MEIKIN: variants seen among roughly 807,000 people sequenced by gnomAD.
The protein encoded by MEIKIN is meiosis-specific kinetochore protein.
chr5:131,809,260 C>G (rs1297340409), intron 12 of MEIKIN, among the ~76,000 whole-genome samples: 1 of 152,122 alleles, frequency 6.6e-6, no homozygotes, highest in African/African-American at 2.4e-5. Flanking sequence ...AGAACTTCAT[C>G]TTTTCATTCT....
chr5:131,896,796 C>T (rs1751060438), intron 8 of MEIKIN, among the ~76,000 whole-genome samples: 1 of 152,142 alleles, frequency 6.6e-6, no homozygotes, highest in South Asian at 2.1e-4. Flanking sequence ...AGATGGGTTT[C>T]CTGAATACAG....
intron 9 of MEIKIN, among the ~76,000 whole-genome samples, chr5:131,857,147 C>T (rs1485578254): frequency 1.3e-5 from 2 of 152,018 alleles, no homozygotes; most frequent in East Asian, 1.9e-4. Flanking sequence ...AAATTTGTAA[C>T]TCTATGTTCA....
intron 9 of MEIKIN, among the ~76,000 whole-genome samples, chr5:131,878,295 C>T (rs772790027): frequency 3.3e-5 from 5 of 152,166 alleles, no homozygotes; most frequent in East Asian, 1.9e-4. Context: ...TGGCTGGGCG[C>T]GGTGGCTCAC....
chr5:131,889,461 C>G (rs1242768160), intron 8 of MEIKIN, among the ~76,000 whole-genome samples: 4 of 152,140 alleles, frequency 2.6e-5, no homozygotes, highest in Non-Finnish European at 4.4e-5. Flanking sequence ...GTATTTTATT[C>G]TCTTTGAAGC....
At chr5:131,918,083 T>C (rs963960644) in intron 6 of MEIKIN, among the ~76,000 whole-genome samples, 1 of 152,118 alleles carries the variant, frequency 6.6e-6, no homozygotes. Context: ...TTCAAATTGT[T>C]GGGAAAGAGA....
At chr5:131,924,163 TTTC>T in intron 5 of MEIKIN, among the ~76,000 whole-genome samples, 1 of 152,302 alleles carries the variant, frequency 6.6e-6, no homozygotes. Context: ...GCAGGATTTC[TTTC>T]TTAAGACTGA....
At chr5:131,809,536 C>T (rs566516804) in intron 12 of MEIKIN, among the ~76,000 whole-genome samples, 19 of 152,196 alleles carry the variant, frequency 1.2e-4, no homozygotes, top group African/African-American at 3.4e-4. Flanking sequence ...AGGCTGGGTG[C>T]GGTGGCTCAC....
At chr5:131,867,854 T>G (rs1750414148) in intron 9 of MEIKIN, among the ~76,000 whole-genome samples, 1 of 152,224 alleles carries the variant, frequency 6.6e-6, no homozygotes, top group South Asian at 2.1e-4. Flanking sequence ...ATACTTTGTG[T>G]GGATACAATT....
intron 11 of MEIKIN, among the ~76,000 whole-genome samples, chr5:131,819,357 C>G: frequency 6.7e-6 from 1 of 149,350 alleles, no homozygotes; most frequent in Non-Finnish European, 1.5e-5. Context: ...ATTCCAATAC[C>G]CTGGGAGGCC....
chr5:131,807,188 T>G lies in MEIKIN; in HGVS notation c.*48A>C, dbSNP rs1221782220. On this transcript the variant is annotated 3_prime_UTR_variant, in exon 13 of 13. Coordinates refer to ENST00000442687, the MANE Select transcript of MEIKIN (RefSeq NM_001303622.2). The stretch of plus-strand genomic sequence containing the variant: ...ACATTCTGCTTTATAGACTTTGACT[T>G]CACACTCCTGTCTTCAAAGTGGTGA... 5.0e-6 allele frequency: 2 copies of G among 398,428 alleles called. No individual in the cohort carries two copies. Among genetic ancestry groups the G allele is most frequent in the African/African-American group, 4.1e-5 (2 of 48,614 alleles). The allele number at this position is 398,428 out of a possible 1,614,324, so 24.7% of individuals were successfully genotyped here.
At chr5:131,820,242 T>G (rs996957636) in intron 11 of MEIKIN, among the ~76,000 whole-genome samples, 2 of 151,902 alleles carry the variant, frequency 1.3e-5, no homozygotes, top group African/African-American at 2.4e-5. Flanking sequence ...TGGTTAATTT[T>G]TTTGTATTTT....
At chr5:131,852,716 T>C (rs1750135446) in intron 10 of MEIKIN, among the ~76,000 whole-genome samples, 1 of 152,142 alleles carries the variant, frequency 6.6e-6, no homozygotes, top group Non-Finnish European at 1.5e-5. Flanking sequence ...GAAAATGTTC[T>C]TAAATAGGAT....
intron 11 of MEIKIN, among the ~76,000 whole-genome samples, chr5:131,841,689 AT>A (rs1346364805): frequency 1.3e-5 from 2 of 152,226 alleles, no homozygotes; most frequent in Non-Finnish European, 2.9e-5. Context: ...ACATGTGGAC[AT>A]TTTAACAACA....
At chr5:131,910,588 T>C (rs970766796) in intron 8 of MEIKIN, among the ~76,000 whole-genome samples, 1 of 152,082 alleles carries the variant, frequency 6.6e-6, no homozygotes, top group Non-Finnish European at 1.5e-5. Flanking sequence ...AGAGTATAAC[T>C]GTATTATTTG....
At chr5:131,926,947 C>A (rs1751596806) in intron 5 of MEIKIN, among the ~76,000 whole-genome samples, 1 of 152,064 alleles carries the variant, frequency 6.6e-6, no homozygotes, top group Non-Finnish European at 1.5e-5. Context: ...TTTCAAAAAA[C>A]CAACTCTCAG....
At chr5:131,921,175 AAAAG>A (rs1751498442) in intron 6 of MEIKIN, among the ~76,000 whole-genome samples, 1 of 152,238 alleles carries the variant, frequency 6.6e-6, no homozygotes, top group African/African-American at 2.4e-5. Context: ...GAAACAGAAA[AAAAG>A]AAAGACTAAA....
Position 131,885,361 on chromosome 5 carries a change from G to A in MEIKIN, c.704-6313C>T, listed in dbSNP as rs1294982436. Reference sequence around the variant, plus strand: ...ACTGAAAGAGAGAGAGAGAGAGAGAGAGAGAGAGAGAGAGAGAGAGAGAGA... The same window carrying A: ...ACTGAAAGAGAGAGAGAGAGAGAGAAAGAGAGAGAGAGAGAGAGAGAGAGA... On this transcript the variant is annotated intron_variant, in intron 8 of 12. Transcript: ENST00000442687. Among the ~76,000 whole-genome samples the A allele has an allele frequency of 2.0e-3, 43 of 21,502 alleles. 1 individual carries two copies. The highest frequency in any genetic ancestry group is 5.2e-3 in the African/African-American group (35 of 6,748). The allele number at this position is 21,502 out of a possible 152,430, so 14.1% of individuals were successfully genotyped here.
At chr5:131,817,489 G>C (rs1366706767) in intron 12 of MEIKIN, among the ~76,000 whole-genome samples, 1 of 151,862 alleles carries the variant, frequency 6.6e-6, no homozygotes, top group Non-Finnish European at 1.5e-5. Flanking sequence ...GGTGGCGGGT[G>C]CCTGTAGTCC....
intron 8 of MEIKIN, among the ~76,000 whole-genome samples, chr5:131,890,683 A>AT (rs891276438): frequency 6.6e-6 from 1 of 152,080 alleles, no homozygotes; most frequent in Non-Finnish European, 1.5e-5. Flanking sequence ...GGATTCATTG[A>AT]TTTTTTGAAG....
Sources: allele counts gnomAD v4.1 joint callset (sites outside exome capture counted in the v4.1 genomes callset), GRCh38; gene constraint gnomAD v4.1.1; transcripts MANE v1.5; gene names NCBI Gene and HGNC (gene_info 2026-07-23, HGNC 2026-07-21).